Variants in OARD1 observed in about 807,000 individuals in gnomAD.
The protein encoded by OARD1 is ADP-ribose glycohydrolase OARD1.
A neutral mutation model predicts 19.7 loss-of-function variants in OARD1; 19 were observed. That is an observed-to-expected ratio of 0.96 (90% CI 0.67 to 1.41). The LOEUF (loss-of-function observed/expected upper bound fraction) is 1.41, where lower values mean the gene tolerates loss of function less well. Ranked by LOEUF, OARD1 falls within the 40% of genes most tolerant of loss-of-function variation. The pLI, the probability that OARD1 is intolerant of heterozygous loss-of-function variation, is 0.00. For missense variants in OARD1, 190 were observed against 183.8 expected (o/e 1.03, Z -0.20); for synonymous variants, 70 against 61.8 (o/e 1.13, Z -0.62).
chr6:41,094,551 G>A (rs1764295345), intron 1 of OARD1: 1 of 1,413,366 alleles, frequency 7.1e-7, no homozygotes, highest in Non-Finnish European at 1.0e-6. Flanking sequence ...ATTGACTTGA[G>A]TTGAAGCCTT....
intron 1 of OARD1, chr6:41,093,090 G>A (rs949009580): frequency 2.5e-6 from 4 of 1,613,300 alleles, no homozygotes; most frequent in Non-Finnish European, 3.4e-6. Flanking sequence ...AGAAGGGTAT[G>A]TATAACATTG....
At chr6:41,082,527 A>T (rs1196860714) in intron 1 of OARD1, among the ~76,000 whole-genome samples, 1 of 152,212 alleles carries the variant, frequency 6.6e-6, no homozygotes, top group African/African-American at 2.4e-5. Flanking sequence ...TCAATTGGGG[A>T]GGAAATTAAG....
chr6:41,071,104 A>C (rs1399587605), intron 3 of OARD1, 28 bp downstream of exon 3: 1 of 1,612,788 alleles, frequency 6.2e-7, no homozygotes, highest in Admixed American at 1.7e-5. Context: ...AGCCAGGGCA[A>C]ACCAGGTAAG....
At chr6:41,072,057 G>A (rs767400494) in intron 1 of OARD1, among the ~76,000 whole-genome samples, 179 bp downstream of exon 1, 3 of 152,248 alleles carry the variant, frequency 2.0e-5, no homozygotes, top group Non-Finnish European at 2.9e-5. Flanking sequence ...GAAAACAGAA[G>A]GGACTTGGCC....
chr6:41,087,999 T>A (rs1411174153), intron 1 of OARD1, among the ~76,000 whole-genome samples: 1 of 152,164 alleles, frequency 6.6e-6, no homozygotes, highest in Non-Finnish European at 1.5e-5. Context: ...CAACAAAAAT[T>A]TGACAAACAT....
chr6:41,071,463 A>T (rs1763383685), intron 2 of OARD1, 133 bp downstream of exon 2: 1 of 1,012,598 alleles, frequency 9.9e-7, no homozygotes, highest in Non-Finnish European at 1.5e-6. Flanking sequence ...TAGAATTTTG[A>T]GCCTTTTTAA....
intron 1 of OARD1, among the ~76,000 whole-genome samples, chr6:41,094,803 G>A (rs1294428169): frequency 6.6e-6 from 1 of 152,142 alleles, no homozygotes; most frequent in African/African-American, 2.4e-5. Flanking sequence ...GCCAGGCCTG[G>A]TGATGCATGC....
chr6:41,067,511 T>C (rs1763079073), intron 5 of OARD1, 74 bp from the exon 6 acceptor site: 2 of 997,410 alleles, frequency 2.0e-6, no homozygotes, highest in East Asian at 4.9e-5. Context: ...TTAAGCTATA[T>C]CCACTCAAAG....
chr6:41,092,457 TG>T (rs1764221780), intron 1 of OARD1, among the ~76,000 whole-genome samples: 1 of 152,250 alleles, frequency 6.6e-6, no homozygotes, highest in South Asian at 2.1e-4. Context: ...TACAGGACTC[TG>T]TTACTTGTTT....
intron 5 of OARD1, among the ~76,000 whole-genome samples, chr6:41,068,628 TAATTGTCCTG>T (rs2114048808): frequency 6.6e-6 from 1 of 152,378 alleles, no homozygotes; most frequent in South Asian, 2.1e-4. Context: ...TATTTCAAGG[TAATTGTCCTG>T]ATTCATTCAA....
intron 1 of OARD1, among the ~76,000 whole-genome samples, chr6:41,091,371 A>G (rs1020575568): frequency 6.6e-6 from 1 of 152,222 alleles, no homozygotes; most frequent in East Asian, 1.9e-4. Flanking sequence ...TATATAGCAC[A>G]CCACAGTGGG....
intron 1 of OARD1, among the ~76,000 whole-genome samples, chr6:41,097,197 G>T (rs1764382288): frequency 6.6e-6 from 1 of 152,148 alleles, no homozygotes; most frequent in African/African-American, 2.4e-5. Flanking sequence ...TCCTAATGGG[G>T]CTACACTTTA....
At chr6:41,080,907 T>C in intron 1 of OARD1, 1 of 1,606,956 alleles carries the variant, frequency 6.2e-7, no homozygotes, top group South Asian at 1.1e-5. Context: ...AGTGGTACCC[T>C]CTCTGATTCT....
chr6:41,093,896 T>TG (rs1764271777), intron 1 of OARD1, among the ~76,000 whole-genome samples: 1 of 152,210 alleles, frequency 6.6e-6, no homozygotes, highest in Non-Finnish European at 1.5e-5. Flanking sequence ...TGGTGGCAAA[T>TG]GCCTGTAGTC....
intron 3 of OARD1, 40 bp from the exon 4 acceptor site, chr6:41,070,174 AC>A (rs1763257269): frequency 9.5e-7 from 1 of 1,051,710 alleles, no homozygotes; most frequent in African/African-American, 1.6e-5. Flanking sequence ...GAAAAAGAAA[AC>A]CAAACACTGA....
At chr6:41,083,912 G>A (rs1582027032) in intron 1 of OARD1, 2 of 799,856 alleles carry the variant, frequency 2.5e-6, no homozygotes, top group Non-Finnish European at 1.9e-6. Context: ...GAGGACTTGA[G>A]ACATATATTT....
chr6:41,074,136 C>T (rs374879132), upstream of OARD1, among the ~76,000 whole-genome samples: 30 of 152,232 alleles, frequency 2.0e-4, no homozygotes, highest in East Asian at 3.9e-3. Flanking sequence ...TTGCCTTCGC[C>T]TTTCTATGTT....
intron 1 of OARD1, chr6:41,097,554 G>A: frequency 1.3e-6 from 1 of 778,222 alleles, no homozygotes; most frequent in Non-Finnish European, 2.1e-6. Flanking sequence ...AAGTGGCTCA[G>A]TATTACAATT....
upstream of OARD1, among the ~76,000 whole-genome samples, chr6:41,072,785 C>A (rs1484561602): frequency 2.6e-5 from 4 of 152,218 alleles, no homozygotes; most frequent in African/African-American, 7.2e-5. Flanking sequence ...AAAGCGCCTG[C>A]GTATTCCTTT....
Sources: gnomAD v4.1 joint callset for allele counts (sites outside exome capture counted in the v4.1 genomes callset) on GRCh38, gnomAD v4.1.1 for gene constraint, MANE v1.5 for transcripts, NCBI Gene and HGNC (gene_info 2026-07-23, HGNC 2026-07-21) for gene names.